ABAT: variants seen among roughly 807,000 people sequenced by gnomAD.
The protein encoded by ABAT is 4-aminobutyrate aminotransferase.
In ABAT, 45 loss-of-function variants were observed where a neutral mutation model predicts 64.6. The ratio of observed to expected loss-of-function variants is 0.70; its 90% confidence interval spans 0.55 to 0.89. The LOEUF is 0.89. Ranked by LOEUF, ABAT falls within the 40% of genes least tolerant of loss-of-function variation. The pLI is 0.00. For synonymous variants in ABAT, 297 were observed against 250.5 expected, an observed-to-expected ratio of 1.19 and a Z score of -1.75; for missense variants, 633 against 658.4, an observed-to-expected ratio of 0.96 and a Z score of 0.42.
At chr16:8,756,960 T>G (rs538581178) in intron 5 of ABAT, among the ~76,000 whole-genome samples, 40 of 152,126 alleles carry the variant, frequency 2.6e-4, no homozygotes, top group Admixed American at 3.3e-4. Flanking sequence ...TAAGCAGATG[T>G]GTGAAGGCAG....
At chr16:8,681,789 C>T (rs931787133) in intron 1 of ABAT, among the ~76,000 whole-genome samples, 1 of 151,754 alleles carries the variant, frequency 6.6e-6, no homozygotes, top group African/African-American at 2.4e-5. Context: ...TTACAGGCAC[C>T]CGCCACCACA....
rs151139946 is a variant in ABAT, at chr16:8,714,309, A to G, written c.-41-21390A>G. The stretch of plus-strand genomic sequence containing the variant: ...CTTTCCCTTCGTTCTAAGGACAAGA[A>G]CAGCACAAACACACACACCCCTTTC... On this transcript the variant is annotated intron_variant, in intron 1 of 15. Transcript: ENST00000268251. Among the ~76,000 whole-genome samples the G allele has an allele frequency of 4.5e-3, 680 of 152,310 alleles. 6 individuals are homozygous for G. Among genetic ancestry groups the G allele is most frequent in the African/African-American group, 0.016 (658 of 41,574 alleles).
chr16:8,731,790 C>A (rs901714321), intron 1 of ABAT, among the ~76,000 whole-genome samples: 5 of 152,082 alleles, frequency 3.3e-5, no homozygotes, highest in Admixed American at 3.3e-4. Flanking sequence ...TCCAAACACA[C>A]TAAACAATGT....
At chr16:8,766,790 G>A (rs145279557) in intron 9 of ABAT, among the ~76,000 whole-genome samples, 1,531 of 152,210 alleles carry the variant, frequency 0.01, 16 homozygotes, top group Non-Finnish European at 0.015. Context: ...CCAATATGGC[G>A]AAACCCTGTC....
At chr16:8,762,172 C>G (rs529468953) in intron 6 of ABAT, among the ~76,000 whole-genome samples, 2 of 152,250 alleles carry the variant, frequency 1.3e-5, no homozygotes, top group South Asian at 2.1e-4. Context: ...CCTCCAGTTA[C>G]TATTTCTTAT....
At chr16:8,752,167 G>C (rs1731038) in intron 5 of ABAT, among the ~76,000 whole-genome samples, 150,668 of 152,350 alleles carry the variant, frequency 0.99, 74,518 homozygotes, top group East Asian at 1. Context: ...CTATTTATTT[G>C]CCACTAACAT....
chr16:8,780,020 C>T (rs1211021796), intron 15 of ABAT, among the ~76,000 whole-genome samples: 1 of 152,130 alleles, frequency 6.6e-6, no homozygotes, highest in Non-Finnish European at 1.5e-5. Context: ...AGGGCAGGCT[C>T]CCTTGAGGAA....
intron 1 of ABAT, among the ~76,000 whole-genome samples, chr16:8,720,367 T>C (rs962591182): frequency 6.6e-6 from 1 of 152,240 alleles, no homozygotes; most frequent in Admixed American, 6.5e-5. Flanking sequence ...TTTCCCCACA[T>C]CATTCTCAGT....
chr16:8,702,003 C>G lies in ABAT; in HGVS notation c.-42+27292C>G, dbSNP rs573052115. On this transcript the variant is annotated intron_variant, in intron 1 of 15. Coordinates refer to ENST00000268251, the MANE Select transcript of ABAT (RefSeq NM_020686.6). The stretch of plus-strand genomic sequence containing the variant: ...TCCTGCAGGCCTCCTGGAGGCCACT[C>G]TGATGGCATTGGCTGTCACTCTGCG... Among the ~76,000 whole-genome samples the G allele has an allele frequency of 5.3e-5, 8 of 152,112 alleles. No individual in the cohort carries two copies. In the East Asian group the frequency reaches 1.6e-3, roughly 29 times the overall value.
intron 1 of ABAT, among the ~76,000 whole-genome samples, chr16:8,696,385 G>T (rs899054552): frequency 6.6e-6 from 1 of 152,210 alleles, no homozygotes; most frequent in East Asian, 1.9e-4. Context: ...CACTTTGGGA[G>T]GCTGAGGCAG....
At position 8,781,594 on chromosome 16, in the gene ABAT, G is replaced by T; in HGVS notation, c.*164G>T. ...TTGGTGGTCTTGGGGGAGGGGAGGG[G>T]AGGGAAGGGCTGGTGTTGATTTTCC... is the stretch of plus-strand genomic sequence containing the variant. On this transcript the variant is annotated 3_prime_UTR_variant, in exon 16 of 16. Coordinates refer to ENST00000268251, the MANE Select transcript of ABAT (RefSeq NM_020686.6). This position sits in a 1 kb window ranked among gnomAD's most constrained non-coding sequence, Gnocchi z 4.5. 16 of 658,932 alleles carry T rather than the reference G, an allele frequency of 2.4e-5. No homozygotes were observed. Among genetic ancestry groups the T allele is most frequent in the Non-Finnish European group, 3.1e-5 (12 of 386,964 alleles). 40.8% of individuals were successfully genotyped at this position (658,932 alleles called of 1,614,324 possible). A position where few individuals can be genotyped will look rare whatever the true frequency, so the allele number is the denominator to read the frequency against.
At chr16:8,769,080 G>T (rs1028050029) in intron 11 of ABAT, 107 bp downstream of exon 11, 27 of 1,490,258 alleles carry the variant, frequency 1.8e-5, no homozygotes, top group African/African-American at 6.9e-5. Context: ...CTGGGGATCT[G>T]TGCAGTGCTC....
At chr16:8,691,250 A>G (rs1198344389) in intron 1 of ABAT, among the ~76,000 whole-genome samples, 1 of 152,134 alleles carries the variant, frequency 6.6e-6, no homozygotes, top group Admixed American at 6.6e-5. Context: ...GTGGTTTCAA[A>G]CCCATTTTAC....
intron 2 of ABAT, among the ~76,000 whole-genome samples, chr16:8,739,757 CAAAAA>C (rs200394953): frequency 3.9e-5 from 4 of 103,392 alleles, no homozygotes; most frequent in East Asian, 5.2e-4. Context: ...ATGCAAAAAA[CAAAAA>C]AACAGAAAAA....
intron 1 of ABAT, chr16:8,731,598 A>G (rs1053958410): frequency 3.3e-5 from 5 of 151,050 alleles, no homozygotes; most frequent in Admixed American, 6.6e-5. Flanking sequence ...AGGTATGTCA[A>G]CCTCAACACC....
intron 1 of ABAT, among the ~76,000 whole-genome samples, chr16:8,718,765 CTTGA>C (rs2058283221): frequency 6.6e-6 from 1 of 152,168 alleles, no homozygotes; most frequent in Non-Finnish European, 1.5e-5. Context: ...TATGTGAAAC[CTTGA>C]CACGATTGGC....
chr16:8,766,160 G>A (rs374142952), intron 8 of ABAT, 48 bp from the exon 9 acceptor site: 12 of 1,580,200 alleles, frequency 7.6e-6, no homozygotes, highest in East Asian at 6.7e-5. Flanking sequence ...ATGAAGCCCC[G>A]ACTACCCCAG....
chr16:8,781,203 ATG>A lies in ABAT; in HGVS notation c.1382-105_1382-104del. ...ATGATGGAGGATGATGGATGGATGG[ATG>A]GATGGATGGATGAGCGTTGCCAACA... On this transcript the variant is annotated intron_variant, in intron 15 of 15. Transcript: ENST00000268251. The surrounding 1 kb of genome is among the most constrained non-coding windows in gnomAD (Gnocchi z 4.5). The A allele has an allele frequency of 1.3e-6, 2 of 1,553,660 alleles. No homozygotes were observed. The highest frequency in any genetic ancestry group is 1.8e-6 in the Non-Finnish European group (2 of 1,128,418).
intron 2 of ABAT, among the ~76,000 whole-genome samples, chr16:8,741,631 G>A (rs573127070): frequency 2.6e-5 from 4 of 152,272 alleles, no homozygotes; most frequent in Non-Finnish European, 4.4e-5. Context: ...TCCAAGAGAA[G>A]GTTTACTTGT....
Sources: gnomAD v4.1 joint callset for allele counts (sites outside exome capture counted in the v4.1 genomes callset) on GRCh38, gnomAD v4.1.1 for gene constraint, Gnocchi (gnomAD v3.1) non-coding constraint, MANE v1.5 for transcripts, NCBI Gene and HGNC (gene_info 2026-07-23, HGNC 2026-07-21) for gene names.